Variants in MTMR10 observed in about 807,000 individuals in gnomAD.
MTMR10 encodes myotubularin related protein 10.
Under a neutral mutation model 88.1 loss-of-function variants are expected in MTMR10, and 56 were observed. That is an observed-to-expected ratio of 0.64 (90% CI 0.51 to 0.79). The LOEUF (loss-of-function observed/expected upper bound fraction) is 0.79, where lower values mean the gene tolerates loss of function less well. MTMR10 is among the 30% of genes least tolerant of loss of function. The pLI is 0.00. For synonymous variants in MTMR10, 380 were observed against 340.9 expected (o/e 1.11, Z -1.26); for missense variants, 883 against 924.7 (o/e 0.95, Z 0.58).
the MTMR10 span, chr15:30,929,453 CTG>C: frequency 1.4e-6 from 2 of 1,408,982 alleles, no homozygotes; most frequent in South Asian, 2.7e-5. Flanking sequence ...CGCCCCAGTG[CTG>C]TCTTTTCAGC....
In MTMR10 at chr15:30,968,426, G is replaced by A. The variant is rs534399103; in HGVS notation, c.475-416C>T. Among the ~76,000 whole-genome samples, 302 of 152,042 alleles carry A rather than the reference G, an allele frequency of 2.0e-3. 1 individual carries two copies. The highest frequency in any genetic ancestry group is 0.014 in the Middle Eastern group (4 of 292). On this transcript the variant is annotated intron_variant, in intron 5 of 15. Transcript: ENST00000435680. The stretch of plus-strand genomic sequence containing the variant: ...TAAGGCATGAAACTTTAAAGTTTAC[G>A]CCTCATGGATTTAAACATCTAAATA...
chr15:30,924,668 T>C, the MTMR10 span, among the ~76,000 whole-genome samples: 1 of 152,230 alleles, frequency 6.6e-6, no homozygotes, highest in African/African-American at 2.4e-5. Flanking sequence ...CCATGGTTCT[T>C]GACTGCATAT....
chr15:30,931,762 C>T, the MTMR10 span, among the ~76,000 whole-genome samples: 4 of 152,078 alleles, frequency 2.6e-5, no homozygotes, highest in Admixed American at 6.6e-5. Context: ...ATATACTCTT[C>T]GGTTCCATTG....
At chr15:30,932,923 ATGT>A in the MTMR10 span, among the ~76,000 whole-genome samples, 348 of 149,124 alleles carry the variant, frequency 2.3e-3, 5 homozygotes, top group African/African-American at 8.4e-3. Flanking sequence ...AGGTTTTGCC[ATGT>A]TGGCCAGGCT....
At chr15:30,924,576 A>T in the MTMR10 span, among the ~76,000 whole-genome samples, 1 of 151,726 alleles carries the variant, frequency 6.6e-6, no homozygotes, top group Non-Finnish European at 1.5e-5. Context: ...TATTTGTCTG[A>T]CTCTGAATCG....
the MTMR10 span, chr15:30,927,749 G>A: frequency 1.0e-6 from 1 of 985,654 alleles, no homozygotes; most frequent in South Asian, 4.7e-5. Context: ...TGTCGGGAGG[G>A]CTGATGTGCA....
In MTMR10 at chr15:30,941,755, G is replaced by A. The variant is rs757512435; in HGVS notation, c.2049C>T (p.Ser683=). 6.2e-6 allele frequency: 10 copies of A among 1,613,988 alleles called. No individual in the cohort carries two copies. In the African/African-American group the frequency reaches 6.7e-5, roughly 11 times the overall value. The change falls in exon 16 of 16, where the codon TCC becomes TCT. Residue 683 remains serine, a synonymous_variant. Coordinates refer to ENST00000435680, the MANE Select transcript of MTMR10 (RefSeq NM_017762.3). ...GTACGTCGACTTCATCAGCCAGGAG[G>A]GAGAGCTTGTGAAAGGCTGTGATGG... The part of the protein sequence containing the change: ...GGSITAFHKL[S]LLADEVDVLS...
chr15:30,963,445 A>T (rs1420369183), intron 6 of MTMR10, among the ~76,000 whole-genome samples: 1 of 151,992 alleles, frequency 6.6e-6, no homozygotes, highest in East Asian at 1.9e-4. Context: ...CTTGGCTAAC[A>T]CGGTGAAACC....
intron 6 of MTMR10, among the ~76,000 whole-genome samples, chr15:30,963,172 T>C (rs1390796944): frequency 6.6e-6 from 1 of 152,172 alleles, no homozygotes; most frequent in African/African-American, 2.4e-5. Context: ...TAGCCACATT[T>C]CAAGTACTTA....
chr15:30,970,918 C>T (rs1456153324), intron 5 of MTMR10, among the ~76,000 whole-genome samples: 1 of 152,056 alleles, frequency 6.6e-6, no homozygotes, highest in Non-Finnish European at 1.5e-5. Flanking sequence ...TGGCAGAACT[C>T]GAACTAAATA....
At chr15:30,947,399 G>A in intron 13 of MTMR10, 99 bp from the exon 14 acceptor site, 1 of 1,372,834 alleles carries the variant, frequency 7.3e-7, no homozygotes, top group Non-Finnish European at 9.9e-7. Context: ...AGAGATGAAT[G>A]AGAAAACATC....
chr15:30,948,913 T>C (rs188727774), intron 12 of MTMR10: 304 of 163,618 alleles, frequency 1.9e-3, no homozygotes, highest in African/African-American at 6.8e-3. Context: ...CTGTCTTTTA[T>C]AGTTGTTGTC....
chr15:30,926,866 G>T, the MTMR10 span: 4 of 985,394 alleles, frequency 4.1e-6, no homozygotes, highest in Non-Finnish European at 4.8e-6. Context: ...AATCGATGCC[G>T]TGAAACTGGG....
chr15:30,955,810 C>T (rs1419580699), intron 9 of MTMR10, among the ~76,000 whole-genome samples: 1 of 152,110 alleles, frequency 6.6e-6, no homozygotes, highest in East Asian at 1.9e-4. Flanking sequence ...GTAGGATAAA[C>T]TGCAAGTACA....
chr15:30,959,195 A>C, intron 7 of MTMR10, 74 bp from the exon 8 acceptor site: 1 of 1,313,244 alleles, frequency 7.6e-7, no homozygotes, highest in Non-Finnish European at 1.0e-6. Context: ...GACCCTATAA[A>C]TAATTAAGCA....
downstream of MTMR10, chr15:30,937,260 G>A (rs114680636): frequency 1.9e-3 from 3,067 of 1,608,026 alleles, 52 homozygotes; most frequent in African/African-American, 0.036. Flanking sequence ...TAGCTAAAAG[G>A]TATGGAATTG....
At chr15:30,987,289 C>T (rs1456765422) in intron 2 of MTMR10, among the ~76,000 whole-genome samples, 4 of 152,110 alleles carry the variant, frequency 2.6e-5, no homozygotes, top group Non-Finnish European at 5.9e-5. Flanking sequence ...TCGTTCAGTC[C>T]CTCAGTAAAC....
chr15:30,943,006 C>G lies in MTMR10; in HGVS notation c.1615G>C (p.Asp539His). 1.3e-6 allele frequency: 2 copies of G among 1,552,280 alleles called. No homozygotes were observed. Among genetic ancestry groups the G allele is most frequent in the Non-Finnish European group, 1.7e-6 (2 of 1,147,160 alleles). ...EKGLKFPSVW[D>H]WSLQFTAKDR... Reference sequence around the variant, plus strand: ...TTTGCTGTAAACTGGAGAGACCAGTCCCAAACAGAGGGGAATTTTAAGCCC... The same window carrying G: ...TTTGCTGTAAACTGGAGAGACCAGTGCCAAACAGAGGGGAATTTTAAGCCC... Residue 539 changes from aspartate to histidine, a missense_variant, in exon 15 of 16, where the codon GAC becomes CAC. Coordinates refer to ENST00000435680, the MANE Select transcript of MTMR10 (RefSeq NM_017762.3).
At position 30,948,332 on chromosome 15, in the gene MTMR10, T is replaced by C; in HGVS notation, c.1347A>G (p.Arg449=). The C allele has an allele frequency of 6.2e-7, 1 of 1,613,794 alleles. No homozygotes were observed. The highest frequency in any genetic ancestry group is 1.1e-5 in the South Asian group (1 of 91,048). The part of the protein sequence containing the change: ...WVMAGYQFLD[R]CNHLKRSEKE... ...TCTCTGATCTCTTTAGATGGTTGCA[T>C]CTGTCTAGAAACTGATATCCTGCCA... Residue 449 remains arginine (R), a synonymous_variant, in exon 13 of 16, where the codon AGA becomes AGG. Coordinates refer to ENST00000435680, the MANE Select transcript of MTMR10 (RefSeq NM_017762.3).
Sources: gnomAD v4.1 joint callset for allele counts (sites outside exome capture counted in the v4.1 genomes callset) on GRCh38, gnomAD v4.1.1 for gene constraint, MANE v1.5 for transcripts, NCBI Gene and HGNC (gene_info 2026-07-23, HGNC 2026-07-21) for gene names.